PLAC1: variants seen among roughly 807,000 people sequenced by gnomAD.
PLAC1 encodes the protein placenta associated 1.
For missense variants in PLAC1, 136 were observed against 163.2 expected (o/e 0.83, Z 0.91); for synonymous variants, 68 against 62.1 (o/e 1.09, Z -0.44).
intron 2 of PLAC1, among the ~76,000 whole-genome samples, chrX:134,707,241 A>C (rs1330237214): frequency 8.9e-6 from 1 of 112,624 alleles, no homozygotes; most frequent in African/African-American, 3.2e-5. Context: ...ATCCTTCTTA[A>C]TGAAGGGAAA....
rs1339644632 is a variant in PLAC1, at chrX:134,753,610, T to C, written n.89+10624A>G. Among the ~76,000 whole-genome samples, 3 of 110,352 alleles carry C rather than the reference T, an allele frequency of 2.7e-5. No individual in the cohort carries two copies. In the Admixed American group the frequency reaches 3.0e-4, roughly 11 times the overall value. ...ACAATCAGGGGCGGGAACGAGATGG[T>C]ATAATCTTCTGTGAACTGGATGTAA... On this transcript the variant is annotated intron_variant and non_coding_transcript_variant, in intron 1 of 2. Transcript: ENST00000466797.
chrX:134,742,941 A>G (rs1278450875), intron 1 of PLAC1, among the ~76,000 whole-genome samples: 1 of 112,262 alleles, frequency 8.9e-6, no homozygotes, highest in Non-Finnish European at 1.9e-5. Context: ...GAGAGAGAGA[A>G]AGGAAAGAAA....
At chrX:134,720,864 C>T (rs1424807788) in intron 2 of PLAC1, among the ~76,000 whole-genome samples, 1 of 111,670 alleles carries the variant, frequency 9.0e-6, no homozygotes, top group Non-Finnish European at 1.9e-5. Context: ...CACTATGTTG[C>T]CCAAGCTGTT....
chrX:134,669,202 G>A (rs904030185), intron 2 of PLAC1, among the ~76,000 whole-genome samples: 1 of 111,834 alleles, frequency 8.9e-6, no homozygotes, highest in Non-Finnish European at 1.9e-5. Flanking sequence ...AATTAAGTCC[G>A]CCCACATCTC....
intron 2 of PLAC1, among the ~76,000 whole-genome samples, chrX:134,666,518 G>A (rs1307720630): frequency 1.8e-5 from 2 of 111,616 alleles, no homozygotes; most frequent in Non-Finnish European, 3.8e-5. Context: ...GTCTTAGGAG[G>A]GTGAACATGG....
At chrX:134,725,663 A>G (rs2078672156) in intron 2 of PLAC1, among the ~76,000 whole-genome samples, 1 of 112,233 alleles carries the variant, frequency 8.9e-6, no homozygotes, top group South Asian at 3.7e-4. Flanking sequence ...TGACTCCCTC[A>G]TAACCTTCAA....
At position 134,580,475 on chromosome X, in the gene PLAC1, T is replaced by C. The variant is rs137938723; in HGVS notation, c.-58-13735A>G. 4.3e-3 allele frequency among the ~76,000 whole-genome samples: 480 copies of C among 112,036 alleles called. 3 individuals carry two copies. The highest frequency in any genetic ancestry group is 0.015 in the African/African-American group (462 of 30,850). On this transcript the variant is annotated intron_variant, in intron 2 of 2. Transcript: ENST00000359237. ...TCATTAAAGACACAAAGGTCATAAG[T>C]GGCAAAGCCAGAACGAGAAGCTTCT...
intron 1 of PLAC1, among the ~76,000 whole-genome samples, chrX:134,604,918 A>G (rs1208038524): frequency 1.8e-5 from 2 of 111,810 alleles, no homozygotes; most frequent in African/African-American, 3.2e-5. Context: ...CATTGCTCAC[A>G]GTGCCTTTCC....
At chrX:134,581,440 TC>T (rs910504184) in intron 2 of PLAC1, among the ~76,000 whole-genome samples, 8 of 105,260 alleles carry the variant, frequency 7.6e-5, no homozygotes, top group African/African-American at 2.4e-4. Context: ...TGAGTTTATT[TC>T]CCCCCAATAA....
chrX:134,617,046 T>C (rs1418664369), intron 1 of PLAC1, among the ~76,000 whole-genome samples: 1 of 109,642 alleles, frequency 9.1e-6, no homozygotes. Flanking sequence ...AGGAGTGCAC[T>C]GGCACGTTCT....
intron 2 of PLAC1, among the ~76,000 whole-genome samples, chrX:134,725,168 G>A (rs1330583683): frequency 1.8e-5 from 2 of 111,646 alleles, no homozygotes; most frequent in Admixed American, 9.5e-5. Context: ...TACCTGGTCC[G>A]CAGTAAGCTC....
intron 2 of PLAC1, among the ~76,000 whole-genome samples, chrX:134,732,795 G>A (rs755018734): frequency 1.8e-5 from 2 of 112,274 alleles, no homozygotes; most frequent in East Asian, 2.8e-4. Context: ...TATGTACAAC[G>A]TTACCCAAAC....
chrX:134,596,767 T>C (rs2078063962), intron 2 of PLAC1, among the ~76,000 whole-genome samples: 1 of 109,536 alleles, frequency 9.1e-6, no homozygotes, highest in South Asian at 4.0e-4. Context: ...TGGCTAATTT[T>C]TGTACTTTTT....
rs2078576370 is a variant in PLAC1, at chrX:134,699,750, G to A, written n.174+33685C>T. ...GTCCTGACCCTACACATTAGCCAAC[G>A]TTATCTTTTAAAAAGTATAAATCAG... On this transcript the variant is annotated intron_variant and non_coding_transcript_variant, in intron 2 of 2. Coordinates refer to the PLAC1 transcript ENST00000466797. 3.6e-5 allele frequency among the ~76,000 whole-genome samples: 4 copies of A among 112,097 alleles called. No homozygotes were observed. In the South Asian group the frequency reaches 1.1e-3, roughly 31 times the overall value.
intron 2 of PLAC1, among the ~76,000 whole-genome samples, chrX:134,575,161 G>A (rs959193975): frequency 1.4e-4 from 16 of 110,527 alleles, no homozygotes; most frequent in African/African-American, 4.6e-4. Context: ...CTAACTTCAC[G>A]TCAGTTTGAG....
chrX:134,677,398 G>A (rs1464651647), intron 2 of PLAC1, among the ~76,000 whole-genome samples: 1 of 112,202 alleles, frequency 8.9e-6, no homozygotes, highest in Non-Finnish European at 1.9e-5. Flanking sequence ...ACAAATACCT[G>A]ATATAATTTC....
intron 2 of PLAC1, among the ~76,000 whole-genome samples, chrX:134,710,183 G>A (rs974697963): frequency 3.6e-5 from 4 of 111,915 alleles, no homozygotes; most frequent in African/African-American, 9.7e-5. Flanking sequence ...AATACCAACA[G>A]ACAACTGGCA....
At chrX:134,676,715 T>A (rs138649726) in intron 2 of PLAC1, among the ~76,000 whole-genome samples, 1,399 of 112,122 alleles carry the variant, frequency 0.012, 22 homozygotes, top group African/African-American at 0.043. Flanking sequence ...GATTGTGGCT[T>A]TAATCAGGTC....
chrX:134,746,559 T>A (rs751683968), intron 1 of PLAC1, among the ~76,000 whole-genome samples: 8 of 111,971 alleles, frequency 7.1e-5, no homozygotes, highest in Non-Finnish European at 1.5e-4. Flanking sequence ...CTTGACCCAA[T>A]ACCTCTTCTG....
Sources: gnomAD v4.1 joint callset for allele counts (sites outside exome capture counted in the v4.1 genomes callset) on GRCh38, gnomAD v4.1.1 for gene constraint, MANE v1.5 for transcripts, NCBI Gene and HGNC (gene_info 2026-07-23, HGNC 2026-07-21) for gene names.